Variants in SPATA16 observed in about 807,000 individuals in gnomAD.
The protein encoded by SPATA16 is spermatogenesis associated 16.
In SPATA16, 36 loss-of-function variants were observed where a neutral mutation model predicts 63.3. The ratio of observed to expected loss-of-function variants is 0.57; its 90% CI spans 0.44 to 0.75. The LOEUF is 0.75. SPATA16 is among the 30% of genes least tolerant of loss of function. SPATA16 has a pLI of 0.00. For missense variants in SPATA16, 646 were observed against 679.3 expected, an observed-to-expected ratio of 0.95 and a Z score of 0.54; for synonymous variants, 203 against 216.7, an observed-to-expected ratio of 0.94 and a Z score of 0.56.
chr3:173,108,716 C>T lies in SPATA16; in HGVS notation c.612+8404G>A, dbSNP rs572010471. ...GTAGTCCCATCAGATTATAATGGAG[C>T]AGCCCTATACAGGTGTACCATTTTT... On this transcript the variant is annotated intron_variant, in intron 2 of 10. Coordinates refer to ENST00000351008, the MANE Select transcript of SPATA16 (RefSeq NM_031955.6). 3.3e-5 allele frequency among the ~76,000 whole-genome samples: 5 copies of T among 152,320 alleles called. No homozygotes were observed. In the East Asian group the frequency reaches 9.6e-4, roughly 29 times the overall value.
intron 1 of SPATA16, among the ~76,000 whole-genome samples, chr3:173,137,769 G>A (rs7633608): frequency 0.44 from 65,611 of 149,878 alleles, 16,895 homozygotes; most frequent in African/African-American, 0.73. Flanking sequence ...GAAGCCTTCT[G>A]TGTGTTTATT....
intron 6 of SPATA16, among the ~76,000 whole-genome samples, chr3:172,932,972 A>C (rs1732903924): frequency 6.6e-6 from 1 of 152,166 alleles, no homozygotes; most frequent in African/African-American, 2.4e-5. Flanking sequence ...ACTTAGAAAG[A>C]CACATAATCC....
chr3:172,959,031 T>A (rs1442845113), intron 5 of SPATA16, among the ~76,000 whole-genome samples: 1 of 152,172 alleles, frequency 6.6e-6, no homozygotes, highest in East Asian at 1.9e-4. Flanking sequence ...GAAACAGCTT[T>A]CTGATGGTCT....
intron 4 of SPATA16, among the ~76,000 whole-genome samples, chr3:172,980,282 C>T (rs1419049700): frequency 1.3e-5 from 2 of 152,182 alleles, no homozygotes; most frequent in African/African-American, 2.4e-5. Context: ...ATCCTGGTTC[C>T]GGCAGACTCA....
intron 3 of SPATA16, among the ~76,000 whole-genome samples, chr3:173,036,309 A>G (rs1490728572): frequency 6.6e-6 from 1 of 152,074 alleles, no homozygotes; most frequent in African/African-American, 2.4e-5. Flanking sequence ...TCAAGCAAAA[A>G]TTAGTATTTT....
chr3:172,992,228 G>GT (rs1245771447), intron 4 of SPATA16, among the ~76,000 whole-genome samples: 2 of 151,752 alleles, frequency 1.3e-5, no homozygotes, highest in Non-Finnish European at 2.9e-5. Context: ...TTTAAAAATT[G>GT]TTTTTTTAAT....
chr3:173,019,521 C>T lies in SPATA16; in HGVS notation c.813G>A (p.Val271=). The T allele has an allele frequency of 2.5e-6, 4 of 1,614,046 alleles. No homozygotes were observed. Among genetic ancestry groups the T allele is most frequent in the Non-Finnish European group, 3.4e-6 (4 of 1,179,970 alleles). Residue 271 remains valine (V), a synonymous_variant, in exon 4 of 11, where the codon GTG becomes GTA. Transcript: ENST00000351008. The stretch of plus-strand genomic sequence containing the variant: ...CTGAATACCTCTCCAGACATCTAAA[C>T]ACTGTTGCTTGACGAAGATGATTCC... ...YFRNHLRQAT[V]FRCLERYSEA... is the part of the protein sequence containing the mutation.
intron 4 of SPATA16, among the ~76,000 whole-genome samples, chr3:172,992,538 G>T (rs1348864793): frequency 6.6e-6 from 1 of 152,070 alleles, no homozygotes; most frequent in Admixed American, 6.6e-5. Flanking sequence ...TGTTGGCTTG[G>T]TGGGGAGGAT....
chr3:173,139,599 AC>A (rs1738644296), intron 1 of SPATA16, among the ~76,000 whole-genome samples: 1 of 152,206 alleles, frequency 6.6e-6, no homozygotes, highest in Non-Finnish European at 1.5e-5. Flanking sequence ...TTTATTTCAA[AC>A]TGATGTGTCA....
intron 3 of SPATA16, among the ~76,000 whole-genome samples, chr3:173,039,600 C>T (rs1280521960): frequency 6.6e-6 from 1 of 151,938 alleles, no homozygotes; most frequent in East Asian, 1.9e-4. Flanking sequence ...TAAATGGGAA[C>T]AATAAATGCC....
At chr3:173,050,710 C>T (rs1736067488) in intron 2 of SPATA16, among the ~76,000 whole-genome samples, 2 of 151,568 alleles carry the variant, frequency 1.3e-5, no homozygotes, top group Non-Finnish European at 2.9e-5. Flanking sequence ...GAAAAGTGTC[C>T]ACTTTTACTC....
intron 2 of SPATA16, among the ~76,000 whole-genome samples, chr3:173,069,042 G>T (rs369963122): frequency 6.7e-6 from 1 of 149,892 alleles, no homozygotes; most frequent in African/African-American, 2.5e-5. Flanking sequence ...CCCGGGAGGC[G>T]GAGCTTGCAG....
intron 4 of SPATA16, among the ~76,000 whole-genome samples, chr3:172,979,958 T>C (rs1200500158): frequency 1.3e-5 from 2 of 152,236 alleles, no homozygotes; most frequent in Non-Finnish European, 2.9e-5. Context: ...CATAGAGGTG[T>C]GTTCATGTTT....
chr3:173,116,798 C>A (rs189964165), intron 2 of SPATA16, among the ~76,000 whole-genome samples: 8 of 152,144 alleles, frequency 5.3e-5, no homozygotes, highest in Non-Finnish European at 1.0e-4. Context: ...TAAAACTTTA[C>A]GGCTTTTATA....
chr3:173,050,226 C>T (rs996219200), intron 2 of SPATA16, among the ~76,000 whole-genome samples: 3 of 152,086 alleles, frequency 2.0e-5, no homozygotes, highest in African/African-American at 7.2e-5. Context: ...TTCTAAAATG[C>T]ATTTACTTTC....
At chr3:172,983,976 T>C (rs1280272301) in intron 4 of SPATA16, among the ~76,000 whole-genome samples, 1 of 139,924 alleles carries the variant, frequency 7.1e-6, no homozygotes, top group Admixed American at 7.1e-5. Context: ...CGCCCTGCTA[T>C]TCCTAAACCA....
intron 10 of SPATA16, among the ~76,000 whole-genome samples, chr3:172,900,535 A>T (rs2109546552): frequency 6.6e-6 from 1 of 152,274 alleles, no homozygotes; most frequent in East Asian, 1.9e-4. Context: ...TGAAACTCTG[A>T]TGTCATGAAT....
intron 2 of SPATA16, among the ~76,000 whole-genome samples, chr3:173,071,731 A>T (rs918968086): frequency 1.3e-5 from 2 of 152,228 alleles, no homozygotes; most frequent in African/African-American, 4.8e-5. Flanking sequence ...ATCATCAGAT[A>T]AAAAAATGTG....
intron 10 of SPATA16, among the ~76,000 whole-genome samples, chr3:172,902,431 GGT>G (rs1268540173): frequency 1.3e-5 from 2 of 152,102 alleles, no homozygotes; most frequent in African/African-American, 4.8e-5. Flanking sequence ...CTCTATCATA[GGT>G]TTTTAAAAAA....
Sources: allele counts gnomAD v4.1 joint callset (sites outside exome capture counted in the v4.1 genomes callset), GRCh38; gene constraint gnomAD v4.1.1; transcripts MANE v1.5; gene names NCBI Gene and HGNC (gene_info 2026-07-23, HGNC 2026-07-21).